NCOR1: variants seen among roughly 807,000 people sequenced by gnomAD.
The protein encoded by NCOR1 is protein phosphatase 1, regulatory subunit 109.
Under a neutral mutation model 288.1 loss-of-function variants are expected in NCOR1, and 63 were observed. The observed-to-expected ratio is 0.22, with a 90% CI of 0.18 to 0.27. The LOEUF (loss-of-function observed/expected upper bound fraction) is 0.27, where lower values mean the gene tolerates loss of function less well. Among genes scored for constraint, NCOR1 ranks in the 10% least tolerant of loss-of-function variants. The pLI is 1.00. For missense variants in NCOR1, 2,397 were observed against 3,019.2 expected, an observed-to-expected ratio of 0.79 and a Z score of 4.83; for synonymous variants, 1,007 against 1,065.9, an observed-to-expected ratio of 0.94 and a Z score of 1.08.
At chr17:16,159,413 C>CAAAAAAA (rs35243097) in intron 5 of NCOR1, among the ~76,000 whole-genome samples, 3 of 66,284 alleles carry the variant, frequency 4.5e-5, no homozygotes, top group African/African-American at 1.2e-4. Context: ...AACTCTATCT[C>CAAAAAAA]AAAAAAAAAA....
At chr17:16,188,963 T>C (rs576362747) in intron 2 of NCOR1, among the ~76,000 whole-genome samples, 6 of 151,748 alleles carry the variant, frequency 4.0e-5, no homozygotes, top group Non-Finnish European at 8.8e-5. Context: ...AGGCGGAGTT[T>C]GCAGTGAGCC....
intron 6 of NCOR1, among the ~76,000 whole-genome samples, chr17:16,158,065 C>T (rs1296232984): frequency 2.0e-5 from 3 of 152,038 alleles, no homozygotes; most frequent in Non-Finnish European, 2.9e-5. Flanking sequence ...CCTCTACCTC[C>T]CAGGTTCAAC....
At chr17:16,176,645 C>T (rs1400543168) in intron 3 of NCOR1, among the ~76,000 whole-genome samples, 1 of 151,490 alleles carries the variant, frequency 6.6e-6, no homozygotes, top group East Asian at 1.9e-4. Flanking sequence ...TATTGTTAAA[C>T]TGTCTGGTAT....
At chr17:16,111,750 C>T (rs2070257462) in intron 18 of NCOR1, among the ~76,000 whole-genome samples, 1 of 152,206 alleles carries the variant, frequency 6.6e-6, no homozygotes, top group Non-Finnish European at 1.5e-5. Context: ...CAACCCTCCA[C>T]AATCACAGGA....
At chr17:16,127,255 G>GTA (rs2074333938) in intron 14 of NCOR1, among the ~76,000 whole-genome samples, 1 of 115,442 alleles carries the variant, frequency 8.7e-6, no homozygotes, top group Admixed American at 8.6e-5. Context: ...ATGTATATAT[G>GTA]TGTGTGTATA....
intron 9 of NCOR1, among the ~76,000 whole-genome samples, chr17:16,148,675 A>AAC (rs2078375740): frequency 6.8e-6 from 1 of 147,006 alleles, no homozygotes; most frequent in Admixed American, 6.8e-5. Flanking sequence ...AAAAAAAAAA[A>AAC]AAAAAAAAAA....
intron 18 of NCOR1, among the ~76,000 whole-genome samples, chr17:16,112,236 G>C (rs542801176): frequency 6.6e-6 from 1 of 152,222 alleles, no homozygotes; most frequent in Non-Finnish European, 1.5e-5. Flanking sequence ...CATTTTGGAT[G>C]TTACCTCCTG....
At chr17:16,111,503 G>T (rs908152055) in intron 18 of NCOR1, among the ~76,000 whole-genome samples, 11 of 152,146 alleles carry the variant, frequency 7.2e-5, no homozygotes, top group Non-Finnish European at 1.3e-4. Context: ...TTGGGACACT[G>T]AGGCAGGAGT....
rs769983880 is a variant in NCOR1 at position 16,101,673 on chromosome 17, G to A, written c.2267C>T (p.Thr756Ile). Residue 756 changes from threonine (T) to isoleucine (I), a missense_variant, in exon 20 of 46, where the codon ACC (threonine) becomes ATC (isoleucine). Coordinates refer to ENST00000268712, the MANE Select transcript of NCOR1 (RefSeq NM_006311.4). ...AGATGTACTGGGTGCAGTTTCCGTG[G>A]TGGGCTCAAGCTCAACCGCAGGTTC... ...NTEPAVELEPTTETAPSTSPS... is the reference protein window; with the variant it reads ...NTEPAVELEPITETAPSTSPS... 1.2e-6 allele frequency: 2 copies of A among 1,614,092 alleles called. No individual in the cohort carries two copies. The highest frequency in any genetic ancestry group is 1.7e-6 in the Non-Finnish European group (2 of 1,180,062).
At chr17:16,070,641 G>GT in intron 30 of NCOR1, 116 bp from the exon 31 acceptor site, 1 of 1,393,992 alleles carries the variant, frequency 7.2e-7, no homozygotes, top group Non-Finnish European at 9.8e-7. Context: ...TTTTTGGTCT[G>GT]TTTACAAATC....
At chr17:16,160,336 C>T (rs2080582534) in intron 5 of NCOR1, among the ~76,000 whole-genome samples, 2 of 151,988 alleles carry the variant, frequency 1.3e-5, no homozygotes, top group African/African-American at 4.8e-5. Context: ...TTTTTTTCAA[C>T]ACCTAAACCA....
chr17:16,048,922 G>C lies in NCOR1; in HGVS notation c.6459C>G (p.Pro2153=). ...GTTTCTCATGCACAACCGGAACCTG[G>C]GGTGGGGAGATGGGCTCGTAGGGCT... ...SSEPYEPISP[P]QVPVVHEKQD... is the part of the protein sequence containing the mutation. The change falls in exon 41 of 46, where the codon CCC becomes CCG. Residue 2153 remains proline (P), a synonymous_variant. Coordinates refer to ENST00000268712, the MANE Select transcript of NCOR1 (RefSeq NM_006311.4). The C allele has an allele frequency of 6.2e-7, 1 of 1,613,942 alleles. No homozygotes were observed. Among genetic ancestry groups the C allele is most frequent in the Middle Eastern group, 1.6e-4 (1 of 6,062 alleles).
chr17:16,126,372 C>T (rs1306379326), intron 14 of NCOR1, among the ~76,000 whole-genome samples, 166 bp from the exon 15 acceptor site: 1 of 152,050 alleles, frequency 6.6e-6, no homozygotes, highest in African/African-American at 2.4e-5. Context: ...TTAATGTATT[C>T]TATATGTACT....
chr17:16,108,679 A>G, intron 19 of NCOR1, 107 bp downstream of exon 19: 1 of 894,286 alleles, frequency 1.1e-6, no homozygotes, highest in Non-Finnish European at 1.6e-6. Context: ...CCATGAAAAC[A>G]CTGGCACACT....
chr17:16,135,668 T>C (rs1019175209), intron 14 of NCOR1, among the ~76,000 whole-genome samples: 3 of 152,210 alleles, frequency 2.0e-5, no homozygotes, highest in Non-Finnish European at 4.4e-5. Context: ...TTTTACACAG[T>C]TGACTCATGA....
intron 5 of NCOR1, among the ~76,000 whole-genome samples, chr17:16,162,737 A>T (rs575240635): frequency 1.3e-5 from 2 of 152,320 alleles, no homozygotes; most frequent in Non-Finnish European, 2.9e-5. Flanking sequence ...GAATTTGCCA[A>T]CTAAGAGACC....
rs752236347 is a variant in NCOR1 at position 16,039,387 on chromosome 17, T to A, written c.6955+46A>T. 15 of 1,580,508 alleles carry A rather than the reference T, an allele frequency of 9.5e-6. No individual in the cohort carries two copies. The African/African-American group carries it at 2.0e-4, about 21-fold the overall frequency. On this transcript the variant is annotated intron_variant, in intron 44 of 45. Coordinates refer to ENST00000268712, the MANE Select transcript of NCOR1 (RefSeq NM_006311.4). Reference sequence around the variant, plus strand: ...ATCAGAATTTGGGAAATAAACTGGCTTTTTTGGGGAAAAGCAGCAGAAAAG... The same window carrying A: ...ATCAGAATTTGGGAAATAAACTGGCATTTTTGGGGAAAAGCAGCAGAAAAG...
chr17:16,152,081 C>A, intron 7 of NCOR1, 83 bp from the exon 8 acceptor site: 1 of 844,456 alleles, frequency 1.2e-6, no homozygotes, highest in South Asian at 2.3e-5. Context: ...TTAATGTAAG[C>A]ACAGGTAAAG....
intron 1 of NCOR1, among the ~76,000 whole-genome samples, chr17:16,195,484 A>C (rs1298025565): frequency 6.6e-6 from 1 of 152,094 alleles, no homozygotes; most frequent in Non-Finnish European, 1.5e-5. Context: ...AAAAAAAAGA[A>C]AGAAAGAAAG....
Sources: gnomAD v4.1 joint callset for allele counts (sites outside exome capture counted in the v4.1 genomes callset) on GRCh38, gnomAD v4.1.1 for gene constraint, MANE v1.5 for transcripts, NCBI Gene and HGNC (gene_info 2026-07-23, HGNC 2026-07-21) for gene names.